CDH18: variants seen among roughly 807,000 people sequenced by gnomAD.
The protein encoded by CDH18 is cadherin-18.
In CDH18, 31 loss-of-function variants were observed where a neutral mutation model predicts 67.9. The ratio of observed to expected loss-of-function variants is 0.46; its 90% confidence interval spans 0.34 to 0.62. The LOEUF (loss-of-function observed/expected upper bound fraction) is 0.62, where lower values mean the gene tolerates loss of function less well. Ranked by LOEUF, CDH18 falls within the 20% of genes least tolerant of loss-of-function variation. The probability of loss-of-function intolerance (pLI) is 0.01; values close to 1 mark genes in which losing one functional copy is unlikely to be tolerated. For missense variants in CDH18, 890 were observed against 975.5 expected (o/e 0.91, Z 1.17); for synonymous variants, 362 against 347.2 (o/e 1.04, Z -0.48).
chr5:20,459,559 C>A (rs1751097619), intron 1 of CDH18, among the ~76,000 whole-genome samples: 1 of 152,168 alleles, frequency 6.6e-6, no homozygotes, highest in Non-Finnish European at 1.5e-5. Flanking sequence ...TCTTTCCCTT[C>A]ATTTCACAAG....
intron 2 of CDH18, among the ~76,000 whole-genome samples, chr5:19,974,725 G>A (rs1798345904): frequency 6.6e-6 from 1 of 151,982 alleles, no homozygotes; most frequent in Admixed American, 6.6e-5. Flanking sequence ...AGGAATATTG[G>A]TACTAGTTCA....
intron 1 of CDH18, among the ~76,000 whole-genome samples, chr5:20,263,442 T>C (rs1744811195): frequency 6.6e-6 from 1 of 152,170 alleles, no homozygotes; most frequent in Non-Finnish European, 1.5e-5. Context: ...TATAAAATTT[T>C]GGAAAGCTTG....
At chr5:20,316,703 A>G (rs1230990778) in intron 1 of CDH18, among the ~76,000 whole-genome samples, 1 of 152,036 alleles carries the variant, frequency 6.6e-6, no homozygotes, top group Non-Finnish European at 1.5e-5. Context: ...TAGAAGAGAG[A>G]TATGATAGTA....
At chr5:20,491,045 T>G (rs896532450) in intron 1 of CDH18, among the ~76,000 whole-genome samples, 28 of 152,244 alleles carry the variant, frequency 1.8e-4, no homozygotes, top group African/African-American at 5.5e-4. Flanking sequence ...AATTATAAGT[T>G]TAAATACATA....
At chr5:20,482,037 A>G (rs1414369480) in intron 1 of CDH18, among the ~76,000 whole-genome samples, 1 of 151,968 alleles carries the variant, frequency 6.6e-6, no homozygotes, top group Admixed American at 6.6e-5. Flanking sequence ...GATAAAATCA[A>G]TAAGCCTTTA....
chr5:19,497,814 A>C (rs143002041), intron 11 of CDH18, among the ~76,000 whole-genome samples: 136 of 152,304 alleles, frequency 8.9e-4, no homozygotes, highest in Non-Finnish European at 1.1e-3. Flanking sequence ...GTGTTTTTAC[A>C]ATAGTTGCTC....
intron 10 of CDH18, among the ~76,000 whole-genome samples, chr5:19,513,062 A>T (rs969729386): frequency 6.6e-6 from 1 of 151,960 alleles, no homozygotes; most frequent in African/African-American, 2.4e-5. Context: ...TTATATATTT[A>T]ATGAATTTAA....
rs146462456 is a variant in CDH18, at chr5:20,522,771, T to C, written c.-580+52691A>G. On this transcript the variant is annotated intron_variant, in intron 1 of 14. Transcript: ENST00000507958. ...TAATCTAAAACCCGTTAGGAAGTGG[T>C]TTTCACTACAATTCTAATTCTTGAT... Among the ~76,000 whole-genome samples the C allele has an allele frequency of 1.6e-4, 24 of 152,298 alleles. No homozygotes were observed. In the East Asian group the frequency reaches 4.1e-3, roughly 26 times the overall value.
intron 2 of CDH18, among the ~76,000 whole-genome samples, chr5:19,922,354 C>CA (rs1319835504): frequency 6.6e-6 from 1 of 152,132 alleles, no homozygotes; most frequent in Non-Finnish European, 1.5e-5. Context: ...GAAATTACTA[C>CA]AAAATGGTGC....
In CDH18 at chr5:19,949,355, TCTGG is replaced by T. The variant is rs778460038; in HGVS notation, c.-257+31701_-257+31704del. Among the ~76,000 whole-genome samples the T allele has an allele frequency of 1.1e-3, 171 of 152,272 alleles. 2 individuals carry two copies. Among genetic ancestry groups the T allele is most frequent in the Middle Eastern group, 3.4e-3 (1 of 294 alleles). On this transcript the variant is annotated intron_variant, in intron 2 of 12. Coordinates refer to ENST00000382275, the MANE Select transcript of CDH18 (RefSeq NM_004934.5). ...TAGGGTTCACTGTCACTTCCCTGCC[TCTGG>T]ACATAATATTTCATGTAGAGGCAGA...
At chr5:20,123,971 A>G (rs1748604989) in intron 2 of CDH18, among the ~76,000 whole-genome samples, 1 of 152,056 alleles carries the variant, frequency 6.6e-6, no homozygotes, top group African/African-American at 2.4e-5. Context: ...TGTGATAACT[A>G]TTAGGAGAAA....
intron 2 of CDH18, among the ~76,000 whole-genome samples, chr5:20,160,944 T>C (rs375322556): frequency 6.6e-6 from 1 of 152,250 alleles, no homozygotes; most frequent in Non-Finnish European, 1.5e-5. Context: ...GTGAAAATTA[T>C]ATGGAATTCA....
Position 20,090,450 on chromosome 5 carries a change from G to A in CDH18, c.-517-98436C>T, listed in dbSNP as rs576345040. 4.6e-5 allele frequency among the ~76,000 whole-genome samples: 7 copies of A among 151,982 alleles called. No individual in the cohort carries two copies. In the South Asian group the frequency reaches 1.2e-3, roughly 27 times the overall value. ...CTCAGGAGGCTGAGGCAGGAGAATC[G>A]CTTGAACCTGGGAGGCAGAGGCTGC... On this transcript the variant is annotated intron_variant, in intron 2 of 14. Coordinates refer to the CDH18 transcript ENST00000507958.
In CDH18 at chr5:20,162,858, A is replaced by C. The variant is rs192702498; in HGVS notation, c.-518+92586T>G. Among the ~76,000 whole-genome samples, 354 of 152,110 alleles carry C rather than the reference A, an allele frequency of 2.3e-3. 1 individual carries two copies. The highest frequency in any genetic ancestry group is 8.2e-3 in the African/African-American group (340 of 41,512). On this transcript the variant is annotated intron_variant, in intron 2 of 14. Coordinates refer to the CDH18 transcript ENST00000507958. ...AGGATCATCTGAGGTCAGGAGTTTG[A>C]GACCAGCTTGGCCAGCATGACGAAA...
At chr5:20,453,577 G>A (rs28601598) in intron 1 of CDH18, among the ~76,000 whole-genome samples, 21 of 14,216 alleles carry the variant, frequency 1.5e-3, no homozygotes, top group Admixed American at 4.3e-3. Flanking sequence ...ATATATATGT[G>A]TGTGTGTGTG....
chr5:20,135,119 G>C (rs1180496540), intron 2 of CDH18, among the ~76,000 whole-genome samples: 1 of 152,090 alleles, frequency 6.6e-6, no homozygotes, highest in Non-Finnish European at 1.5e-5. Context: ...TAAAATAGCT[G>C]ACCCTAGAGA....
At chr5:20,092,673 T>C (rs1745546555) in intron 2 of CDH18, among the ~76,000 whole-genome samples, 1 of 152,216 alleles carries the variant, frequency 6.6e-6, no homozygotes, top group Admixed American at 6.5e-5. Context: ...GAACCCTTTC[T>C]GACAATTTTT....
intron 1 of CDH18, among the ~76,000 whole-genome samples, chr5:20,458,191 C>T (rs187303043): frequency 6.6e-6 from 1 of 152,198 alleles, no homozygotes; most frequent in African/African-American, 2.4e-5. Flanking sequence ...AGTCATAGCT[C>T]ACTGCAGCCT....
At chr5:19,622,740 C>T (rs77402287) in intron 5 of CDH18, among the ~76,000 whole-genome samples, 193 of 152,200 alleles carry the variant, frequency 1.3e-3, no homozygotes, top group African/African-American at 4.4e-3. Context: ...CCTAGCTGTT[C>T]CTACTAAGGC....
Sources: gnomAD v4.1 joint callset for allele counts (sites outside exome capture counted in the v4.1 genomes callset) on GRCh38, gnomAD v4.1.1 for gene constraint, MANE v1.5 for transcripts, NCBI Gene and HGNC (gene_info 2026-07-23, HGNC 2026-07-21) for gene names.